ANKRD60: variants seen among roughly 807,000 people sequenced by gnomAD.
ANKRD60 encodes ankyrin repeat domain-containing protein 60.
ANKRD60 carries 24 observed loss-of-function variants against 21.3 expected under a neutral mutation model. The ratio of observed to expected loss-of-function variants is 1.13; its 90% confidence interval spans 0.82 to 1.59. ANKRD60 has a LOEUF of 1.59. Ranked by LOEUF, ANKRD60 falls within the 40% of genes most tolerant of loss-of-function variation. The pLI, the probability that ANKRD60 is intolerant of heterozygous loss-of-function variation, is 0.00. For missense variants in ANKRD60, 490 were observed against 466.7 expected (o/e 1.05, Z -0.46); for synonymous variants, 182 against 199.4 (o/e 0.91, Z 0.74).
intron 1 of ANKRD60, among the ~76,000 whole-genome samples, chr20:58,223,636 AT>A (rs1311020640): frequency 6.6e-6 from 1 of 152,196 alleles, no homozygotes; most frequent in Non-Finnish European, 1.5e-5. Flanking sequence ...GACAAAAAAA[AT>A]GTTGGATCTT....
At chr20:58,225,736 A>G (rs1158949612) in intron 1 of ANKRD60, among the ~76,000 whole-genome samples, 1 of 152,212 alleles carries the variant, frequency 6.6e-6, no homozygotes, top group East Asian at 1.9e-4. Context: ...TCTCTCTGCA[A>G]TATCAGCTGT....
At chr20:58,217,148 T>C (rs537859303), downstream of ANKRD60, among the ~76,000 whole-genome samples, 33 of 152,296 alleles carry the variant, frequency 2.2e-4, no homozygotes, top group African/African-American at 7.2e-4. Context: ...AAGAGAGATC[T>C]GGCCGGGTGT....
At position 58,224,109 on chromosome 20, in the gene ANKRD60, A is replaced by C. The variant is rs554310767; in HGVS notation, c.431-927T>G. On this transcript the variant is annotated intron_variant, in intron 1 of 3. Transcript: ENST00000457363. Reference sequence around the variant, plus strand: ...AGAGTGAAACCCTGTCTCCAAAAAAAAAAAAGGCTCCAGACATTACCAAAT... The same window carrying C: ...AGAGTGAAACCCTGTCTCCAAAAAACAAAAAGGCTCCAGACATTACCAAAT... Among the ~76,000 whole-genome samples, 171 of 152,184 alleles carry C rather than the reference A, an allele frequency of 1.1e-3. 1 individual carries two copies. Among genetic ancestry groups the C allele is most frequent in the Non-Finnish European group, 1.2e-3 (79 of 67,990 alleles).
chr20:58,218,489 C>G (rs541075242), downstream of ANKRD60: 223 of 1,545,344 alleles, frequency 1.4e-4, no homozygotes, highest in African/African-American at 2.7e-3. Flanking sequence ...ACGTTCCCAC[C>G]AGGAGCTAAT....
chr20:58,223,257 ATT>A, intron 1 of ANKRD60, 75 bp from the exon 2 acceptor site: 1 of 1,269,570 alleles, frequency 7.9e-7, no homozygotes, highest in Non-Finnish European at 1.1e-6. Context: ...AAGTTAAGAG[ATT>A]ATCTGACCTT....
intron 2 of ANKRD60, 125 bp from the exon 3 acceptor site, chr20:58,221,628 G>C: frequency 2.7e-6 from 3 of 1,114,802 alleles, no homozygotes; most frequent in East Asian, 2.6e-5. Context: ...GATGGGAAAA[G>C]AGAGGTGCAA....
rs554621483 is a variant in ANKRD60 at position 58,220,674 on chromosome 20, G to GT, written c.727+663dup. On this transcript the variant is annotated intron_variant, in intron 3 of 3. Coordinates refer to ENST00000457363, the Ensembl canonical transcript of ANKRD60. ...TGGCTGGAAGGTGGACTATTTTGGG[G>GT]TTTTTTCTAGTGTGTGTGTGTGTGT... 3.1e-4 allele frequency among the ~76,000 whole-genome samples: 47 copies of GT among 149,958 alleles called. 1 individual carries two copies. In the East Asian group the frequency reaches 6.6e-3, roughly 21 times the overall value.
chr20:58,223,114 T>C lies in ANKRD60; in HGVS notation c.499A>G (p.Ile167Val), dbSNP rs1048696382. ...TCTGTCCATCCGTCATGATGCCAGA[T>C]ACATAATGAAATAATCCCTCCAGGA... Residue 167 changes from isoleucine to valine, a missense_variant, in exon 2 of 4, where the codon ATC becomes GTC. Coordinates refer to ENST00000457363, the Ensembl canonical transcript of ANKRD60. 6.4e-6 allele frequency: 10 copies of C among 1,551,684 alleles called. No homozygotes were observed. In the Admixed American group the frequency reaches 2.0e-4, roughly 30 times the overall value.
rs139884025 is a variant in ANKRD60, at chr20:58,219,862, A to G, written c.728-1057T>C. ...AAATACATCACAGTTCTATCAGAGCAAAAATGACTTTTTATGAGCTTAAAG... is the reference window on the plus strand; with the variant it reads ...AAATACATCACAGTTCTATCAGAGCGAAAATGACTTTTTATGAGCTTAAAG... On this transcript the variant is annotated intron_variant, in intron 3 of 3. Transcript: ENST00000457363. 8.7e-4 allele frequency among the ~76,000 whole-genome samples: 132 copies of G among 152,092 alleles called. 1 individual carries two copies. The highest frequency in any genetic ancestry group is 6.8e-3 in the Middle Eastern group (2 of 294).
At chr20:58,221,450 T>G in exon 3 of ANKRD60, 12 of 1,552,124 alleles carry the variant, frequency 7.7e-6, no homozygotes, top group Non-Finnish European at 1.0e-5. Context: ...CCTCAAAATG[T>G]TCTGAATTTG....
chr20:58,220,826 A>T (rs943605393), intron 3 of ANKRD60, among the ~76,000 whole-genome samples: 2 of 151,870 alleles, frequency 1.3e-5, no homozygotes, highest in Non-Finnish European at 2.9e-5. Flanking sequence ...ACGGGGTTTC[A>T]CCAGGCTGGT....
exon 2 of ANKRD60, chr20:58,223,146 T>C: frequency 6.4e-7 from 1 of 1,551,456 alleles, no homozygotes; most frequent in South Asian, 1.2e-5. Flanking sequence ...AGGAACAACA[T>C]CATGGAACTT....
At chr20:58,221,551 A>G (rs904217868) in intron 2 of ANKRD60, 48 bp from the exon 3 acceptor site, 5 of 1,539,124 alleles carry the variant, frequency 3.2e-6, no homozygotes, top group East Asian at 4.9e-5. Flanking sequence ...GCGTGGCTAC[A>G]TTTTGCTGGA....
chr20:58,220,178 G>T lies in ANKRD60; in HGVS notation c.727+1160C>A, dbSNP rs562916973. On this transcript the variant is annotated intron_variant, in intron 3 of 3. Coordinates refer to ENST00000457363, the Ensembl canonical transcript of ANKRD60. ...GCAAGTTGATACAGGAGACCCATGG[G>T]AAAGGCCCCTCCTGAGCCCAAACCA... Among the ~76,000 whole-genome samples, 3 of 152,316 alleles carry T rather than the reference G, an allele frequency of 2.0e-5. No individual in the cohort carries two copies. The East Asian group carries it at 5.8e-4, about 29-fold the overall frequency.
intron 3 of ANKRD60, among the ~76,000 whole-genome samples, chr20:58,220,937 G>A (rs1035757884): frequency 1.3e-5 from 2 of 152,122 alleles, no homozygotes; most frequent in African/African-American, 4.8e-5. Context: ...CTGGCCAGAG[G>A]CTAGACCATT....
intron 3 of ANKRD60, among the ~76,000 whole-genome samples, chr20:58,220,491 G>GAGAGAC (rs746562516): frequency 1.6e-4 from 5 of 31,020 alleles, no homozygotes; most frequent in African/African-American, 5.7e-4. Flanking sequence ...AAGAGAGCCA[G>GAGAGAC]AGAGAGAGAG....
downstream of ANKRD60, among the ~76,000 whole-genome samples, chr20:58,216,745 G>C (rs1281382481): frequency 6.6e-6 from 1 of 152,198 alleles, no homozygotes; most frequent in East Asian, 1.9e-4. Flanking sequence ...TTTAAAAGCT[G>C]ACTCCAGTTC....
downstream of ANKRD60, among the ~76,000 whole-genome samples, chr20:58,216,383 T>C (rs1416264316): frequency 3.9e-5 from 6 of 152,196 alleles, no homozygotes; most frequent in Non-Finnish European, 5.9e-5. Flanking sequence ...GTCAAGCAGT[T>C]GGCTCTCCAA....
Position 58,228,598 on chromosome 20 carries a change from GCTCCGCCCGC to G in ANKRD60, c.46_55del (p.Ala16ArgfsTer98), listed in dbSNP as rs1158272692. 9.1e-7 allele frequency: 1 copy of G among 1,099,748 alleles called. No homozygotes were observed. Among genetic ancestry groups the G allele is most frequent in the Admixed American group, 5.1e-5 (1 of 19,570 alleles). 68.1% of individuals were successfully genotyped at this position (1,099,748 alleles called of 1,614,324 possible). Reference sequence around the variant, plus strand: ...GCCCCCAGTTGGCCCCGCCGCCCGCGCTCCGCCCGCCCCCGCCGCCGCCCGCCGCATCCCC... The same window carrying G: ...GCCCCCAGTTGGCCCCGCCGCCCGCGCCCCGCCGCCGCCCGCCGCATCCCC... On this transcript the variant is annotated frameshift_variant, in exon 1 of 4. Coordinates refer to ENST00000457363, the Ensembl canonical transcript of ANKRD60. LOFTEE classifies it high-confidence loss of function. The surrounding 1 kb of genome is among the most constrained non-coding windows in gnomAD (Gnocchi z 5.3).
Sources: gnomAD v4.1 joint callset for allele counts (sites outside exome capture counted in the v4.1 genomes callset) on GRCh38, gnomAD v4.1.1 for gene constraint, Gnocchi (gnomAD v3.1) non-coding constraint, MANE v1.5 for transcripts, NCBI Gene and HGNC (gene_info 2026-07-23, HGNC 2026-07-21) for gene names.